Variants in KMT2E observed in about 807,000 individuals in gnomAD.
The protein encoded by KMT2E is lysine methyltransferase 2E (inactive).
Under a neutral mutation model 184.6 loss-of-function variants are expected in KMT2E, and 30 were observed. That is an observed-to-expected ratio of 0.16 (90% confidence interval 0.12 to 0.22). The LOEUF is 0.22. Ranked by LOEUF, KMT2E falls within the 10% of genes least tolerant of loss-of-function variation. KMT2E has a pLI of 1.00. For synonymous variants in KMT2E, 815 were observed against 776.5 expected (o/e 1.05, Z -0.82); for missense variants, 2,023 against 2,237.4 (o/e 0.90, Z 1.93).
intron 19 of KMT2E, among the ~76,000 whole-genome samples, 198 bp from the exon 20 acceptor site, chr7:105,106,324 G>A (rs1173429018): frequency 1.3e-5 from 2 of 152,122 alleles, no homozygotes; most frequent in Admixed American, 6.5e-5. Flanking sequence ...CTCCAGGCAA[G>A]GTAATGCTTG....
intron 15 of KMT2E, among the ~76,000 whole-genome samples, chr7:105,094,223 A>G (rs1253133157): frequency 1.3e-5 from 2 of 152,146 alleles, no homozygotes; most frequent in Non-Finnish European, 2.9e-5. Flanking sequence ...TGATTTTTAT[A>G]TTGGTTAGAT....
At chr7:105,086,599 T>C (rs1310721175) in intron 13 of KMT2E, among the ~76,000 whole-genome samples, 1 of 151,346 alleles carries the variant, frequency 6.6e-6, no homozygotes, top group Non-Finnish European at 1.5e-5. Flanking sequence ...GTGGCGCACA[T>C]CTGTAATCCC....
At chr7:105,042,886 C>T (rs1239594484) in intron 3 of KMT2E, among the ~76,000 whole-genome samples, 1 of 152,118 alleles carries the variant, frequency 6.6e-6, no homozygotes, top group African/African-American at 2.4e-5. Flanking sequence ...ATTAGTATAA[C>T]CTATTCATGT....
rs1261551661 is a variant in KMT2E, at chr7:105,081,281, G to A, written c.1249-407G>A. Among the ~76,000 whole-genome samples, 13 of 152,136 alleles carry A rather than the reference G, an allele frequency of 8.5e-5. No homozygotes were observed. In the East Asian group the frequency reaches 1.4e-3, roughly 16 times the overall value. ...TGCCTGTAGTTCCAGCTACTCGGGAGGCTGAGGCAGGAGAATGGCGTGAAC... is the reference window on the plus strand; with the variant it reads ...TGCCTGTAGTTCCAGCTACTCGGGAAGCTGAGGCAGGAGAATGGCGTGAAC... On this transcript the variant is annotated intron_variant, in intron 12 of 26. Coordinates refer to ENST00000311117, the MANE Select transcript of KMT2E (RefSeq NM_182931.3).
chr7:105,058,230 T>C (rs1307152690), intron 3 of KMT2E, among the ~76,000 whole-genome samples: 1 of 152,202 alleles, frequency 6.6e-6, no homozygotes, highest in African/African-American at 2.4e-5. Context: ...CTTTTCTCTT[T>C]TTCTATTTTT....
intron 17 of KMT2E, chr7:105,104,437 C>T (rs1177874356): frequency 6.6e-6 from 1 of 152,100 alleles, no homozygotes; most frequent in Non-Finnish European, 1.5e-5. Flanking sequence ...CCTGCAATCC[C>T]AACATTTGGG....
chr7:105,037,779 G>A (rs1443762038), intron 1 of KMT2E, among the ~76,000 whole-genome samples: 3 of 151,986 alleles, frequency 2.0e-5, no homozygotes, highest in Non-Finnish European at 4.4e-5. Flanking sequence ...TCCTACTTGA[G>A]AGTCTTGTTT....
intron 15 of KMT2E, among the ~76,000 whole-genome samples, chr7:105,100,150 TCA>T (rs1232277829): frequency 6.6e-6 from 1 of 152,198 alleles, no homozygotes; most frequent in Non-Finnish European, 1.5e-5. Flanking sequence ...TCTTTGGACC[TCA>T]GTTTCCTCAG....
intron 3 of KMT2E, among the ~76,000 whole-genome samples, chr7:105,043,487 C>G (rs894895695): frequency 6.6e-6 from 1 of 152,024 alleles, no homozygotes; most frequent in African/African-American, 2.4e-5. Flanking sequence ...CCACCCGCCT[C>G]GGCCTCCCAA....
intron 1 of KMT2E, among the ~76,000 whole-genome samples, chr7:105,032,772 G>T (rs1795479637): frequency 6.6e-6 from 1 of 152,176 alleles, no homozygotes; most frequent in African/African-American, 2.4e-5. Context: ...CCCAAAATGT[G>T]GGATAACAGT....
At chr7:105,084,758 A>G (rs1486572403) in intron 13 of KMT2E, among the ~76,000 whole-genome samples, 1 of 152,180 alleles carries the variant, frequency 6.6e-6, no homozygotes, top group Non-Finnish European at 1.5e-5. Context: ...GTCACATGGC[A>G]TTTTACATAG....
At chr7:105,057,488 A>G (rs1796613924) in intron 3 of KMT2E, among the ~76,000 whole-genome samples, 1 of 152,044 alleles carries the variant, frequency 6.6e-6, no homozygotes, top group African/African-American at 2.4e-5. Context: ...CTGTCAACCC[A>G]GGCTGGAGTA....
At chr7:105,108,851 A>G (rs1584807561) in intron 22 of KMT2E, 91 bp from the exon 23 acceptor site, 5 of 1,048,718 alleles carry the variant, frequency 4.8e-6, no homozygotes, top group Non-Finnish European at 5.4e-6. Context: ...ATGTAAATAT[A>G]GTAATTCTCT....
intron 15 of KMT2E, among the ~76,000 whole-genome samples, chr7:105,096,507 A>AGT (rs1321818582): frequency 6.6e-6 from 1 of 152,182 alleles, no homozygotes; most frequent in African/African-American, 2.4e-5. Context: ...ATGACAAGGA[A>AGT]GTCACGTAGG....
chr7:105,053,583 G>T (rs1796434439), intron 3 of KMT2E, among the ~76,000 whole-genome samples: 1 of 152,156 alleles, frequency 6.6e-6, no homozygotes, highest in African/African-American at 2.4e-5. Flanking sequence ...ACTTGAAGCT[G>T]ATTCTTGCTG....
In KMT2E at chr7:105,077,205, A is replaced by G. The variant is rs1249760342; in HGVS notation, c.999+12A>G. On this transcript the variant is annotated intron_variant, in intron 10 of 26. Transcript: ENST00000311117. ...AACCTCCTGTAGAGGTAAATACATC[A>G]TTTGTCCAAAAATTGTAAAGCAGTT... The G allele has an allele frequency of 6.2e-7, 1 of 1,609,786 alleles. No individual in the cohort carries two copies. The highest frequency in any genetic ancestry group is 8.5e-7 in the Non-Finnish European group (1 of 1,176,652).
chr7:105,102,980 A>G (rs1359040322), intron 17 of KMT2E: 2 of 152,346 alleles, frequency 1.3e-5, no homozygotes, highest in East Asian at 3.9e-4. Context: ...CAAGTTAAAT[A>G]ATTTACTTGC....
chr7:105,056,851 A>G (rs1366018748), intron 3 of KMT2E, among the ~76,000 whole-genome samples: 4 of 152,216 alleles, frequency 2.6e-5, no homozygotes, highest in Non-Finnish European at 5.9e-5. Flanking sequence ...TATTGCTGGG[A>G]AGAAGGTAAA....
intron 15 of KMT2E, among the ~76,000 whole-genome samples, chr7:105,092,551 G>T (rs1367218683): frequency 6.6e-6 from 1 of 152,090 alleles, no homozygotes; most frequent in African/African-American, 2.4e-5. Flanking sequence ...TAGGAACACT[G>T]GTCTGTTGAG....
Sources: gnomAD v4.1 joint callset for allele counts (sites outside exome capture counted in the v4.1 genomes callset) on GRCh38, gnomAD v4.1.1 for gene constraint, MANE v1.5 for transcripts, NCBI Gene and HGNC (gene_info 2026-07-23, HGNC 2026-07-21) for gene names.